CSMD1: variants seen among roughly 807,000 people sequenced by gnomAD.
CSMD1 encodes CUB and sushi domain-containing protein 1.
A neutral mutation model predicts 417.5 loss-of-function variants in CSMD1; 213 were observed. The ratio of observed to expected loss-of-function variants is 0.51; its 90% confidence interval spans 0.46 to 0.57. CSMD1 has a LOEUF of 0.57. Among genes scored for constraint, CSMD1 ranks in the 20% least tolerant of loss-of-function variants. CSMD1 has a pLI of 0.00. For synonymous variants in CSMD1, 2,862 were observed against 1,736.8 expected (o/e 1.65, Z -16.11); for missense variants, 6,923 against 4,529.7 (o/e 1.53, Z -15.17).
chr8:3,234,813 G>A lies in CSMD1; in HGVS notation c.4154-4582C>T, dbSNP rs910882249. 5.9e-5 allele frequency among the ~76,000 whole-genome samples: 9 copies of A among 152,236 alleles called. No individual in the cohort carries two copies. In the East Asian group the frequency reaches 1.2e-3, roughly 20 times the overall value. ...TCACAAGGCAATTGGCCATCATCTTGGTACCAAAGGGGTACCCTTCCTGAA... is the reference window on the plus strand; with the variant it reads ...TCACAAGGCAATTGGCCATCATCTTAGTACCAAAGGGGTACCCTTCCTGAA... On this transcript the variant is annotated intron_variant, in intron 26 of 69. Coordinates refer to ENST00000635120, the MANE Select transcript of CSMD1 (RefSeq NM_033225.6).
chr8:4,446,717 T>TTGTGTGTGTGTGTGTCTGTGTG (rs1484091341), intron 2 of CSMD1, among the ~76,000 whole-genome samples: 70 of 144,512 alleles, frequency 4.8e-4, no homozygotes, highest in African/African-American at 1.7e-3. Context: ...CATGCCTGAG[T>TTGTGTGTGTGTGTGTCTGTGTG]TGTGTGTGTG....
Position 4,306,706 on chromosome 8 carries a change from C to T in CSMD1, c.415+113247G>A, listed in dbSNP as rs139115389. ...ATGCTCTCCTCTTCCAAAACGTCCT[C>T]ATATAGTGAGCAGCACCTCTAAATG... is the stretch of plus-strand genomic sequence containing the variant. On this transcript the variant is annotated intron_variant, in intron 3 of 69. Transcript: ENST00000635120. Among the ~76,000 whole-genome samples, 206 of 152,208 alleles carry T rather than the reference C, an allele frequency of 1.4e-3. 1 individual carries two copies. Among genetic ancestry groups the T allele is most frequent in the African/African-American group, 4.5e-3 (188 of 41,534 alleles).
At chr8:3,132,978 G>A (rs760095381) in intron 41 of CSMD1, among the ~76,000 whole-genome samples, 7 of 152,282 alleles carry the variant, frequency 4.6e-5, no homozygotes, top group South Asian at 2.1e-4. Flanking sequence ...GTGCCGCTCC[G>A]TTCACCTGGG....
intron 5 of CSMD1, among the ~76,000 whole-genome samples, chr8:3,897,985 A>C (rs374382655): frequency 2.6e-4 from 40 of 152,220 alleles, no homozygotes; most frequent in African/African-American, 8.0e-4. Flanking sequence ...GTCACGGAGA[A>C]CTGGAGAGCT....
At chr8:3,611,804 A>C (rs1801907267) in intron 8 of CSMD1, among the ~76,000 whole-genome samples, 1 of 152,120 alleles carries the variant, frequency 6.6e-6, no homozygotes, top group Admixed American at 6.6e-5. Context: ...TCAAATGACC[A>C]ATGTATGAGG....
At chr8:3,212,676 C>A (rs890336502) in intron 30 of CSMD1, among the ~76,000 whole-genome samples, 2 of 151,868 alleles carry the variant, frequency 1.3e-5, no homozygotes, top group African/African-American at 4.8e-5. Flanking sequence ...CTGTGCCAGT[C>A]TCTACTGCTG....
intron 23 of CSMD1, among the ~76,000 whole-genome samples, chr8:3,315,298 T>G (rs1181961510): frequency 6.6e-6 from 1 of 152,138 alleles, no homozygotes; most frequent in Non-Finnish European, 1.5e-5. Flanking sequence ...GTTAAATTTA[T>G]TTTTTATAGT....
intron 3 of CSMD1, among the ~76,000 whole-genome samples, chr8:4,223,800 C>T (rs530790899): frequency 6.6e-6 from 1 of 152,150 alleles, no homozygotes; most frequent in African/African-American, 2.4e-5. Context: ...AGCCCCTTGG[C>T]CAATAACAAC....
chr8:4,086,893 G>A (rs1038301666), intron 3 of CSMD1, among the ~76,000 whole-genome samples: 3 of 152,146 alleles, frequency 2.0e-5, no homozygotes, highest in Non-Finnish European at 4.4e-5. Context: ...AGTAAATGTT[G>A]GCAACAATCA....
intron 38 of CSMD1, among the ~76,000 whole-genome samples, chr8:3,160,970 T>C (rs554766116): frequency 1.5e-4 from 23 of 152,352 alleles, no homozygotes; most frequent in African/African-American, 5.5e-4. Flanking sequence ...TTCACGGCTG[T>C]AGTGTTGCAA....
intron 1 of CSMD1, among the ~76,000 whole-genome samples, chr8:4,868,805 A>G (rs1442627422): frequency 6.6e-6 from 1 of 152,034 alleles, no homozygotes; most frequent in Non-Finnish European, 1.5e-5. Context: ...GCTTGTAAAA[A>G]TATCATGTGC....
intron 68 of CSMD1, among the ~76,000 whole-genome samples, chr8:2,943,887 G>C (rs377712545): frequency 4.6e-5 from 7 of 152,152 alleles, no homozygotes; most frequent in African/African-American, 1.4e-4. Context: ...GATTCAAAGA[G>C]ATGTTGCTGT....
Position 3,676,169 on chromosome 8 carries a change from C to T in CSMD1, c.1009+32245G>A, listed in dbSNP as rs777436995. On this transcript the variant is annotated intron_variant, in intron 7 of 69. Transcript: ENST00000635120. Reference sequence around the variant, plus strand: ...GGTAAATTGTTTATTTTCTTCTGCTCAATTTTATAGTCTTCTCCTCGTTTG... The same window carrying T: ...GGTAAATTGTTTATTTTCTTCTGCTTAATTTTATAGTCTTCTCCTCGTTTG... Among the ~76,000 whole-genome samples the T allele has an allele frequency of 1.1e-4, 17 of 152,142 alleles. 1 individual carries two copies. Among genetic ancestry groups the T allele is most frequent in the Non-Finnish European group, 2.4e-4 (16 of 68,036 alleles).
At chr8:4,372,562 G>A (rs1802457428) in intron 3 of CSMD1, among the ~76,000 whole-genome samples, 2 of 151,714 alleles carry the variant, frequency 1.3e-5, no homozygotes, top group South Asian at 4.2e-4. Flanking sequence ...TGGAGGAATG[G>A]CTGTTTCTAG....
intron 6 of CSMD1, among the ~76,000 whole-genome samples, chr8:3,740,589 G>T (rs779426866): frequency 1.3e-5 from 2 of 152,170 alleles, no homozygotes; most frequent in Non-Finnish European, 2.9e-5. Context: ...ACAGGAAGGA[G>T]GACGAGCAGG....
At chr8:3,986,714 A>G (rs1172828473) in intron 5 of CSMD1, among the ~76,000 whole-genome samples, 1 of 152,088 alleles carries the variant, frequency 6.6e-6, no homozygotes. Flanking sequence ...AAAATTTATC[A>G]TGTTTCAGTT....
chr8:4,289,286 A>G (rs1368320205), intron 3 of CSMD1, among the ~76,000 whole-genome samples: 1 of 152,224 alleles, frequency 6.6e-6, no homozygotes. Flanking sequence ...ATTTGCCTAC[A>G]TAATTTCACC....
chr8:3,869,905 G>A (rs1286866715), intron 5 of CSMD1, among the ~76,000 whole-genome samples: 1 of 152,104 alleles, frequency 6.6e-6, no homozygotes, highest in Non-Finnish European at 1.5e-5. Flanking sequence ...AGGGCTTAAA[G>A]GAAAAACTAG....
chr8:3,471,563 T>A (rs1817101678), intron 11 of CSMD1, among the ~76,000 whole-genome samples: 1 of 130,438 alleles, frequency 7.7e-6, no homozygotes, highest in Non-Finnish European at 1.6e-5. Context: ...TCTCCCTCCC[T>A]CCTTCCTTCT....
Sources: allele counts gnomAD v4.1 joint callset (sites outside exome capture counted in the v4.1 genomes callset), GRCh38; gene constraint gnomAD v4.1.1; transcripts MANE v1.5; gene names NCBI Gene and HGNC (gene_info 2026-07-23, HGNC 2026-07-21).